Variants in SNTB1 observed in about 807,000 individuals in gnomAD.
SNTB1 encodes syntrophin beta 1.
Under a neutral mutation model 48.9 loss-of-function variants are expected in SNTB1, and 36 were observed. The ratio of observed to expected loss-of-function variants is 0.74; its 90% CI spans 0.56 to 0.97. The LOEUF (loss-of-function observed/expected upper bound fraction) is 0.97, where lower values mean the gene tolerates loss of function less well. SNTB1 is among the 50% of genes least tolerant of loss of function. The pLI is 0.00. For synonymous variants in SNTB1, 299 were observed against 294.6 expected (o/e 1.01, Z -0.15); for missense variants, 786 against 703.4 (o/e 1.12, Z -1.33).
At chr8:120,787,490 T>G (rs1819943750) in intron 1 of SNTB1, among the ~76,000 whole-genome samples, 1 of 151,736 alleles carries the variant, frequency 6.6e-6, no homozygotes, top group Admixed American at 6.6e-5. Context: ...CAAAAACAAT[T>G]CAGGATATGA....
chr8:120,625,127 C>A (rs1314094431), intron 3 of SNTB1, among the ~76,000 whole-genome samples: 2 of 152,128 alleles, frequency 1.3e-5, no homozygotes, highest in Non-Finnish European at 2.9e-5. Flanking sequence ...GCGATAATGG[C>A]GTTAATCCAT....
intron 1 of SNTB1, among the ~76,000 whole-genome samples, chr8:120,795,166 G>A (rs1033200953): frequency 1.3e-5 from 2 of 151,738 alleles, no homozygotes; most frequent in African/African-American, 2.4e-5. Context: ...GCAATGATAC[G>A]TGTAAAGATT....
intron 1 of SNTB1, among the ~76,000 whole-genome samples, chr8:120,718,555 G>A (rs1260774296): frequency 1.3e-5 from 2 of 152,164 alleles, no homozygotes; most frequent in Non-Finnish European, 2.9e-5. Context: ...TAGACCTATA[G>A]TATATGGACC....
intron 3 of SNTB1, among the ~76,000 whole-genome samples, chr8:120,619,185 C>A (rs1816757294): frequency 6.6e-6 from 1 of 151,758 alleles, no homozygotes; most frequent in Non-Finnish European, 1.5e-5. Flanking sequence ...TTTAAAATTG[C>A]CTTTTAAAAT....
At chr8:120,775,196 G>T (rs150923844) in intron 1 of SNTB1, 1 of 152,160 alleles carries the variant, frequency 6.6e-6, no homozygotes, top group African/African-American at 2.4e-5. Flanking sequence ...GGAGAAGGGA[G>T]ATGCTTGCTT....
At chr8:120,649,522 G>A (rs200237380) in intron 2 of SNTB1, among the ~76,000 whole-genome samples, 25 of 137,078 alleles carry the variant, frequency 1.8e-4, no homozygotes, top group African/African-American at 3.8e-4. Context: ...CAGTCTGCCC[G>A]TTCTCAGATC....
chr8:120,627,094 G>T (rs948372931), intron 3 of SNTB1, among the ~76,000 whole-genome samples: 2 of 152,154 alleles, frequency 1.3e-5, no homozygotes, highest in Non-Finnish European at 2.9e-5. Flanking sequence ...ATTAACAGAG[G>T]TGCCATGGCC....
chr8:120,639,218 T>C (rs1239943566), intron 2 of SNTB1, among the ~76,000 whole-genome samples: 1 of 152,258 alleles, frequency 6.6e-6, no homozygotes. Context: ...TTATATCCTT[T>C]GCTCACTTTT....
chr8:120,729,583 A>G (rs1818818605), intron 1 of SNTB1, among the ~76,000 whole-genome samples: 2 of 152,230 alleles, frequency 1.3e-5, no homozygotes. Context: ...TCTCTACTCC[A>G]TGCATGCATT....
At chr8:120,783,058 A>C (rs1397196790) in intron 1 of SNTB1, among the ~76,000 whole-genome samples, 1 of 152,220 alleles carries the variant, frequency 6.6e-6, no homozygotes, top group Non-Finnish European at 1.5e-5. Context: ...TAACCTAAAA[A>C]GCTTCTGCAA....
chr8:120,575,337 T>C (rs968793507), intron 3 of SNTB1, 112 bp from the exon 4 acceptor site: 6 of 1,258,152 alleles, frequency 4.8e-6, no homozygotes, highest in Middle Eastern at 2.5e-4. Flanking sequence ...GTCTTTTGGT[T>C]TGGTTGCAAA....
At chr8:120,684,261 A>G (rs1309131854) in intron 2 of SNTB1, among the ~76,000 whole-genome samples, 1 of 152,206 alleles carries the variant, frequency 6.6e-6, no homozygotes, top group Non-Finnish European at 1.5e-5. Flanking sequence ...AATGGAGAGG[A>G]GTTTTCAACA....
intron 1 of SNTB1, among the ~76,000 whole-genome samples, chr8:120,780,667 C>G (rs751162604): frequency 6.6e-6 from 1 of 152,140 alleles, no homozygotes; most frequent in Non-Finnish European, 1.5e-5. Context: ...TAACCAATAG[C>G]AAATTTCTGG....
intron 2 of SNTB1, among the ~76,000 whole-genome samples, chr8:120,653,457 G>A (rs1817442428): frequency 6.6e-6 from 1 of 152,096 alleles, no homozygotes; most frequent in African/African-American, 2.4e-5. Context: ...GAAAACATCT[G>A]GAAGAAACCA....
At chr8:120,576,195 C>G (rs1306705844) in intron 3 of SNTB1, among the ~76,000 whole-genome samples, 1 of 152,174 alleles carries the variant, frequency 6.6e-6, no homozygotes, top group East Asian at 1.9e-4. Context: ...CAGGTAATCC[C>G]TTGGCTCATT....
intron 5 of SNTB1, among the ~76,000 whole-genome samples, chr8:120,543,593 C>G (rs1815328103): frequency 6.6e-6 from 1 of 152,144 alleles, no homozygotes; most frequent in Non-Finnish European, 1.5e-5. Flanking sequence ...CTCTGGCACT[C>G]AGGACAAGGA....
Position 120,714,483 on chromosome 8 carries a change from CTT to C in SNTB1, c.572-20577_572-20576del, listed in dbSNP as rs376862593. ...TGGAATCATGGAGATATATAAAGTCCTTTTTTTTTTTTCTGGCAAAAACATTC... is the reference window on the plus strand; with the variant it reads ...TGGAATCATGGAGATATATAAAGTCCTTTTTTTTTTCTGGCAAAAACATTC... On this transcript the variant is annotated intron_variant, in intron 1 of 6. Coordinates refer to ENST00000517992, the MANE Select transcript of SNTB1 (RefSeq NM_021021.4). Among the ~76,000 whole-genome samples, 525 of 146,586 alleles carry C rather than the reference CTT, an allele frequency of 3.6e-3. 4 individuals are homozygous for C. The highest frequency in any genetic ancestry group is 0.012 in the African/African-American group (501 of 40,224).
intron 2 of SNTB1, among the ~76,000 whole-genome samples, chr8:120,633,904 A>G (rs1299631842): frequency 6.6e-6 from 1 of 152,200 alleles, no homozygotes; most frequent in Non-Finnish European, 1.5e-5. Context: ...GGAAACTGAC[A>G]TAGGTACAAT....
chr8:120,670,655 C>G (rs1817744030), intron 2 of SNTB1, among the ~76,000 whole-genome samples: 1 of 152,160 alleles, frequency 6.6e-6, no homozygotes, highest in African/African-American at 2.4e-5. Flanking sequence ...CAAATTAAAA[C>G]TCTCCTGGGG....
Sources: allele counts gnomAD v4.1 joint callset (sites outside exome capture counted in the v4.1 genomes callset), GRCh38; gene constraint gnomAD v4.1.1; transcripts MANE v1.5; gene names NCBI Gene and HGNC (gene_info 2026-07-23, HGNC 2026-07-21).